The following PCDHGC4 variants were observed in gnomAD, a reference collection of about 807,000 sequenced individuals.
PCDHGC4 encodes protocadherin gamma subfamily C, 4.
A neutral mutation model predicts 59.7 loss-of-function variants in PCDHGC4; 15 were observed. The ratio of observed to expected loss-of-function variants is 0.25; its 90% confidence interval spans 0.17 to 0.39. The LOEUF (loss-of-function observed/expected upper bound fraction) is 0.39, where lower values mean the gene tolerates loss of function less well. PCDHGC4 is among the 10% of genes least tolerant of loss of function. The pLI, the probability that PCDHGC4 is intolerant of heterozygous loss-of-function variation, is 1.00. For missense variants in PCDHGC4, 1,016 were observed against 1,189.5 expected (o/e 0.85, Z 2.15); for synonymous variants, 434 against 481.4 (o/e 0.90, Z 1.29).
chr5:141,512,702 C>T lies in PCDHGC4; in HGVS notation c.*1529C>T, dbSNP rs940927635. 2.0e-5 allele frequency: 3 copies of T among 152,828 alleles called. No homozygotes were observed. Among genetic ancestry groups the T allele is most frequent in the Non-Finnish European group, 2.9e-5 (2 of 68,560 alleles). The allele number at this position is 152,828 out of a possible 1,614,324, so 9.5% of individuals were successfully genotyped here. ...ATAGCCAGTAGTGTAGTGCGGTGTG[C>T]TTTTACGTGATGGCGGGTGGGCAGC... On this transcript the variant is annotated 3_prime_UTR_variant, in exon 4 of 4. Transcript: ENST00000306593.
At chr5:141,506,668 C>A (rs2099855518) in intron 3 of PCDHGC4, among the ~76,000 whole-genome samples, 1 of 152,100 alleles carries the variant, frequency 6.6e-6, no homozygotes, top group Admixed American at 6.6e-5. Context: ...AGTAAGGGCA[C>A]AATATATTAT....
At position 141,485,359 on chromosome 5, in the gene PCDHGC4, C is replaced by G. The variant is rs1233826208; in HGVS notation, c.186C>G (p.Arg62=). 6.2e-7 allele frequency: 1 copy of G among 1,614,026 alleles called. No individual in the cohort carries two copies. The highest frequency in any genetic ancestry group is 8.5e-7 in the Non-Finnish European group (1 of 1,180,018). Residue 62 remains arginine, a synonymous_variant, in exon 1 of 4, where the codon CGC becomes CGG. Transcript: ENST00000306593. This position sits in a 1 kb window ranked among gnomAD's most constrained non-coding sequence, Gnocchi z 5.7. The part of the protein sequence containing the change: ...FLLDTDSLSA[R]RLQVAGEVNQ... ...TGGATACGGACAGTCTGTCAGCTCG[C>G]AGGCTGCAGGTCGCTGGAGAGGTGA...
intron 2 of PCDHGC4, among the ~76,000 whole-genome samples, 177 bp from the exon 3 acceptor site, chr5:141,505,216 T>C (rs547855353): frequency 1.1e-4 from 17 of 152,234 alleles, no homozygotes; most frequent in Non-Finnish European, 2.9e-5. Context: ...AGGGACTGAC[T>C]TGTGGGATTC....
intron 1 of PCDHGC4, 78 bp from the exon 2 acceptor site, chr5:141,494,729 C>CG: frequency 6.2e-7 from 1 of 1,610,168 alleles, no homozygotes; most frequent in South Asian, 1.1e-5. Context: ...CCTTCTCTCC[C>CG]GGCCCATCCC....
Position 141,490,711 on chromosome 5 carries a change from T to C in PCDHGC4, c.2442+3096T>C. ...CACTGGGGATAATGCCCGCCTCACC[T>C]ACTCCATTGTAGGAAATCAGGTTCA... On this transcript the variant is annotated intron_variant, in intron 1 of 3. Transcript: ENST00000306593. The surrounding 1 kb of genome is among the most constrained non-coding windows in gnomAD (Gnocchi z 5.4). The C allele has an allele frequency of 6.2e-7, 1 of 1,614,200 alleles. No individual in the cohort carries two copies. Among genetic ancestry groups the C allele is most frequent in the Non-Finnish European group, 8.5e-7 (1 of 1,180,002 alleles).
At chr5:141,501,600 C>G (rs1320824291) in intron 2 of PCDHGC4, among the ~76,000 whole-genome samples, 1 of 152,040 alleles carries the variant, frequency 6.6e-6, no homozygotes, top group Admixed American at 6.6e-5. Flanking sequence ...TCTACCAGTT[C>G]CAGCTGTGTG....
chr5:141,505,597 T>C, intron 3 of PCDHGC4, 116 bp downstream of exon 3: 1 of 1,558,330 alleles, frequency 6.4e-7, no homozygotes, highest in Non-Finnish European at 8.7e-7. Context: ...TCCAGATCTT[T>C]CGGCAGGTCT....
At chr5:141,492,962 C>A (rs1197532146) in intron 1 of PCDHGC4, among the ~76,000 whole-genome samples, 2 of 152,258 alleles carry the variant, frequency 1.3e-5, no homozygotes, top group African/African-American at 2.4e-5. Flanking sequence ...CTATCTGACA[C>A]TCTAACAAGT....
At position 141,485,073 on chromosome 5, in the gene PCDHGC4, C is replaced by T. The variant is rs1167407526; in HGVS notation, c.-101C>T. ...CGGCCGAACCGCGCCAGAGCTGGCG[C>T]GGGGAAAGGGAGATAGGTGTCTCCA... On this transcript the variant is annotated 5_prime_UTR_variant, in exon 1 of 4. Transcript: ENST00000306593. The surrounding 1 kb of genome is among the most constrained non-coding windows in gnomAD (Gnocchi z 5.7). 3.3e-6 allele frequency: 3 copies of T among 922,354 alleles called. No homozygotes were observed. The highest frequency in any genetic ancestry group is 4.8e-5 in the East Asian group (2 of 41,404). 57.1% of individuals were successfully genotyped at this position (922,354 alleles called of 1,614,324 possible).
intron 3 of PCDHGC4, 48 bp downstream of exon 3, chr5:141,505,529 T>C (rs1479433990): frequency 1.9e-6 from 3 of 1,612,066 alleles, no homozygotes; most frequent in Non-Finnish European, 2.5e-6. Context: ...CCTGGGGTTC[T>C]GGGGTGCATC....
chr5:141,512,897 C>T lies in PCDHGC4; in HGVS notation c.*1724C>T, dbSNP rs1482341871. ...CTCCCACCCCACCCTCTTCCTGTGT[C>T]TCACGCAAGTTTTATACTCTAATAT... On this transcript the variant is annotated 3_prime_UTR_variant, in exon 4 of 4. Coordinates refer to ENST00000306593, the MANE Select transcript of PCDHGC4 (RefSeq NM_018928.3). 1.3e-5 allele frequency: 2 copies of T among 152,274 alleles called. No homozygotes were observed. The highest frequency in any genetic ancestry group is 4.8e-5 in the African/African-American group (2 of 41,470). The allele number at this position is 152,274 out of a possible 1,614,324, so 9.4% of individuals were successfully genotyped here. A position where few individuals can be genotyped will look rare whatever the true frequency, so the allele number is the denominator to read the frequency against.
At chr5:141,501,146 T>C (rs2299023) in intron 2 of PCDHGC4, among the ~76,000 whole-genome samples, 88,663 of 152,012 alleles carry the variant, frequency 0.58, 27,355 homozygotes, top group African/African-American at 0.78. Context: ...GGATTACAGG[T>C]GGGAGCCACC....
At position 141,485,632 on chromosome 5, in the gene PCDHGC4, G is replaced by C; in HGVS notation, c.459G>C (p.Pro153=). 6.2e-7 allele frequency: 1 copy of C among 1,611,766 alleles called. No individual in the cohort carries two copies. The highest frequency in any genetic ancestry group is 8.5e-7 in the Non-Finnish European group (1 of 1,178,342). The part of the protein sequence containing the change: ...GEAAPPGQRF[P]LEKAQDADVG... ...CAGCTCCTCCAGGACAGCGTTTCCC[G>C]TTGGAAAAGGCTCAGGATGCAGATG... is the stretch of plus-strand genomic sequence containing the variant. The change falls in exon 1 of 4, where the codon CCG becomes CCC. Residue 153 remains proline, a synonymous_variant. Coordinates refer to ENST00000306593, the MANE Select transcript of PCDHGC4 (RefSeq NM_018928.3). This position sits in a 1 kb window ranked among gnomAD's most constrained non-coding sequence, Gnocchi z 5.7.
In PCDHGC4 at chr5:141,485,244, T is replaced by C; in HGVS notation, c.71T>C (p.Leu24Pro). ...WATLLFLFYH[L>P]GYVCGQIRYP... ...ACCCTTTTGTTCCTCTTTTACCACC[T>C]GGGTTACGTTTGTGGGCAGATCCGC... The change falls in exon 1 of 4, where the codon CTG becomes CCG. Residue 24 changes from leucine to proline, a missense_variant. Physicochemically the swap from Leu to Pro is moderately conservative, Grantham distance 98 (BLOSUM62 -3). Transcript: ENST00000306593. This position sits in a 1 kb window ranked among gnomAD's most constrained non-coding sequence, Gnocchi z 5.7. 1 of 1,614,168 alleles carries C rather than the reference T, an allele frequency of 6.2e-7. No individual in the cohort carries two copies. Among genetic ancestry groups the C allele is most frequent in the Admixed American group, 1.7e-5 (1 of 60,016 alleles).
intron 2 of PCDHGC4, among the ~76,000 whole-genome samples, chr5:141,505,113 G>A (rs1254889990): frequency 6.6e-6 from 1 of 152,178 alleles, no homozygotes; most frequent in East Asian, 1.9e-4. Context: ...AATGAGCCAA[G>A]ATCGCGCCAC....
At chr5:141,496,637 C>T (rs907246032) in intron 2 of PCDHGC4, among the ~76,000 whole-genome samples, 6 of 152,214 alleles carry the variant, frequency 3.9e-5, no homozygotes, top group Non-Finnish European at 7.3e-5. Context: ...GCTTGGGCTG[C>T]CCTTGCCCTT....
Position 141,511,409 on chromosome 5 carries a change from G to C in PCDHGC4, c.*236G>C, listed in dbSNP as rs999907393. On this transcript the variant is annotated 3_prime_UTR_variant, in exon 4 of 4. Coordinates refer to ENST00000306593, the MANE Select transcript of PCDHGC4 (RefSeq NM_018928.3). Reference sequence around the variant, plus strand: ...GGGAACCCCCATCCAATCAACTGCTGTACCCATGGGGGTAGTGGGGTTACT... The same window carrying C: ...GGGAACCCCCATCCAATCAACTGCTCTACCCATGGGGGTAGTGGGGTTACT... The C allele has an allele frequency of 1.1e-6, 1 of 908,516 alleles. No homozygotes were observed. The highest frequency in any genetic ancestry group is 1.7e-5 in the African/African-American group (1 of 59,504). The allele number at this position is 908,516 out of a possible 1,614,324, so 56.3% of individuals were successfully genotyped here.
chr5:141,490,775 A>G lies in PCDHGC4; in HGVS notation c.2442+3160A>G. 6 of 1,614,110 alleles carry G rather than the reference A, an allele frequency of 3.7e-6. No homozygotes were observed. Among genetic ancestry groups the G allele is most frequent in the Non-Finnish European group, 5.1e-6 (6 of 1,179,964 alleles). On this transcript the variant is annotated intron_variant, in intron 1 of 3. Transcript: ENST00000306593. The surrounding 1 kb of genome is among the most constrained non-coding windows in gnomAD (Gnocchi z 5.4). ...TCCTCCTTTGTGTATGTCAACCCAG[A>G]GGATGGACGGATCTTTGCCCAGCGT...
chr5:141,499,836 A>G (rs2099794751), intron 2 of PCDHGC4, among the ~76,000 whole-genome samples: 1 of 151,894 alleles, frequency 6.6e-6, no homozygotes, highest in African/African-American at 2.4e-5. Flanking sequence ...ACAGGTGTGC[A>G]CCACCACACA....
Sources: gnomAD v4.1 joint callset for allele counts (sites outside exome capture counted in the v4.1 genomes callset) on GRCh38, gnomAD v4.1.1 for gene constraint, Gnocchi (gnomAD v3.1) non-coding constraint, MANE v1.5 for transcripts, NCBI Gene and HGNC (gene_info 2026-07-23, HGNC 2026-07-21) for gene names.